The following SPRYD3 variants were observed in gnomAD, a reference collection of about 807,000 sequenced individuals.
SPRYD3 encodes the protein SPRY domain-containing protein 3.
Under a neutral mutation model 50.1 loss-of-function variants are expected in SPRYD3, and 17 were observed. That is an observed-to-expected ratio of 0.34 (90% confidence interval 0.23 to 0.51). The LOEUF is 0.51. Among genes scored for constraint, SPRYD3 ranks in the 20% least tolerant of loss-of-function variants. The pLI is 0.97. For synonymous variants in SPRYD3, 198 were observed against 215.5 expected (o/e 0.92, Z 0.71); for missense variants, 401 against 591.2 (o/e 0.68, Z 3.34).
Position 53,065,725 on chromosome 12 carries a change from A to G in SPRYD3, c.*107T>C, listed in dbSNP as rs1944498696. The G allele has an allele frequency of 1.6e-6, 2 of 1,214,410 alleles. No homozygotes were observed. The highest frequency in any genetic ancestry group is 2.3e-6 in the Non-Finnish European group (2 of 854,200). The allele number at this position is 1,214,410 out of a possible 1,614,324, so 75.2% of individuals were successfully genotyped here. On this transcript the variant is annotated 3_prime_UTR_variant, in exon 11 of 11. Coordinates refer to ENST00000301463, the MANE Select transcript of SPRYD3 (RefSeq NM_032840.3). ...GCCAGTGGGGGCAGAGTGACTACACACCTCCAGGGGCCTGCTGGGTAAACG... is the reference window on the plus strand; with the variant it reads ...GCCAGTGGGGGCAGAGTGACTACACGCCTCCAGGGGCCTGCTGGGTAAACG...
rs1592265930 is a variant in SPRYD3 at position 53,073,357 on chromosome 12, C to T, written c.622G>A (p.Asp208Asn). Reference protein sequence around the residue: ...HLNAELGREDDSVMMVDSYED... With the variant: ...HLNAELGREDNSVMMVDSYED... ...TAACTGTCCACCATCATGACGCTGT[C>T]GTCCTCACGGCCCAGCTCAGCGTTG... Residue 208 changes from aspartate (D) to asparagine (N), a missense_variant, in exon 6 of 11, where the codon GAC (aspartate) becomes AAC (asparagine). By Grantham distance (23) the Asp-to-Asn change is conservative (BLOSUM62 1). Coordinates refer to ENST00000301463, the MANE Select transcript of SPRYD3 (RefSeq NM_032840.3). 3 of 1,591,616 alleles carry T rather than the reference C, an allele frequency of 1.9e-6. No homozygotes were observed. Among genetic ancestry groups the T allele is most frequent in the Non-Finnish European group, 2.6e-6 (3 of 1,169,318 alleles).
intron 10 of SPRYD3, 26 bp from the exon 11 acceptor site, chr12:53,065,992 G>A (rs745491030): frequency 1.2e-6 from 2 of 1,604,724 alleles, no homozygotes; most frequent in East Asian, 2.2e-5. Context: ...GGAGAAGAAT[G>A]GAGCAAGCAG....
At position 53,065,731 on chromosome 12, in the gene SPRYD3, A is replaced by G; in HGVS notation, c.*101T>C. The stretch of plus-strand genomic sequence containing the variant: ...GGGGGCAGAGTGACTACACACCTCC[A>G]GGGGCCTGCTGGGTAAACGAAGCCT... On this transcript the variant is annotated 3_prime_UTR_variant, in exon 11 of 11. Transcript: ENST00000301463. 1.6e-6 allele frequency: 2 copies of G among 1,287,826 alleles called. No individual in the cohort carries two copies. The highest frequency in any genetic ancestry group is 2.2e-6 in the Non-Finnish European group (2 of 915,602). The allele number at this position is 1,287,826 out of a possible 1,614,324, so 79.8% of individuals were successfully genotyped here.
At chr12:53,067,843 C>G in intron 7 of SPRYD3, 138 bp from the exon 8 acceptor site, 1 of 832,904 alleles carries the variant, frequency 1.2e-6, no homozygotes, top group Non-Finnish European at 2.0e-6. Flanking sequence ...CCTGCAGGCA[C>G]TGGGGCTTCA....
chr12:53,069,200 T>G (rs138909814), intron 6 of SPRYD3, among the ~76,000 whole-genome samples: 176 of 152,156 alleles, frequency 1.2e-3, no homozygotes, highest in African/African-American at 3.8e-3. Context: ...CCATCCCCTC[T>G]TTCCCCCACC....
intron 1 of SPRYD3, among the ~76,000 whole-genome samples, chr12:53,077,649 G>A (rs957540468): frequency 5.9e-5 from 9 of 152,234 alleles, no homozygotes; most frequent in African/African-American, 2.2e-4. Context: ...TTGAAAAGGA[G>A]CTAGGCATGA....
At chr12:53,068,923 C>T (rs1157197130) in intron 6 of SPRYD3, among the ~76,000 whole-genome samples, 5 of 152,094 alleles carry the variant, frequency 3.3e-5, no homozygotes, top group Non-Finnish European at 7.4e-5. Flanking sequence ...CCCAGGGACC[C>T]AGAACGCCCA....
intron 7 of SPRYD3, 151 bp from the exon 8 acceptor site, chr12:53,067,856 G>GTT: frequency 1.3e-6 from 1 of 781,438 alleles, no homozygotes; most frequent in Non-Finnish European, 2.2e-6. Flanking sequence ...GGGCTTCAGG[G>GTT]GAACCAGGGA....
chr12:53,069,140 GA>G (rs1440785771), intron 6 of SPRYD3, among the ~76,000 whole-genome samples: 1 of 152,116 alleles, frequency 6.6e-6, no homozygotes, highest in African/African-American at 2.4e-5. Context: ...CCCAATCTGG[GA>G]GGATTTATTT....
At chr12:53,069,955 C>A (rs559548931) in intron 6 of SPRYD3, among the ~76,000 whole-genome samples, 1 of 152,296 alleles carries the variant, frequency 6.6e-6, no homozygotes, top group African/African-American at 2.4e-5. Flanking sequence ...AAAAGACAGC[C>A]GATCCAGACC....
intron 8 of SPRYD3, 39 bp from the exon 9 acceptor site, chr12:53,066,731 G>T (rs1246038233): frequency 1.3e-6 from 2 of 1,571,318 alleles, no homozygotes; most frequent in South Asian, 2.4e-5. Context: ...CTTGAGGAAG[G>T]AGGGCTGACA....
At chr12:53,068,604 T>G (rs1430234522) in intron 6 of SPRYD3, among the ~76,000 whole-genome samples, 1 of 152,100 alleles carries the variant, frequency 6.6e-6, no homozygotes, top group Non-Finnish European at 1.5e-5. Flanking sequence ...CAGGGGGCTC[T>G]AGATGCATCC....
chr12:53,078,772 A>C (rs1460403214), intron 1 of SPRYD3, among the ~76,000 whole-genome samples: 1 of 152,198 alleles, frequency 6.6e-6, no homozygotes, highest in Non-Finnish European at 1.5e-5. Flanking sequence ...TTCTCTTCCC[A>C]TTCCCTAAAC....
chr12:53,066,833 C>A, intron 8 of SPRYD3, 141 bp from the exon 9 acceptor site: 1 of 1,135,198 alleles, frequency 8.8e-7, no homozygotes, highest in Non-Finnish European at 1.2e-6. Flanking sequence ...GAGAGAGAGG[C>A]CGGGCGCGGT....
chr12:53,068,595 A>AG (rs1944527360), intron 6 of SPRYD3, among the ~76,000 whole-genome samples: 1 of 152,154 alleles, frequency 6.6e-6, no homozygotes, highest in African/African-American at 2.4e-5. Flanking sequence ...GCGGCACACC[A>AG]GGGGGCTCTA....
intron 6 of SPRYD3, among the ~76,000 whole-genome samples, chr12:53,068,616 C>T (rs900683142): frequency 3.9e-5 from 6 of 152,260 alleles, no homozygotes; most frequent in Non-Finnish European, 7.4e-5. Flanking sequence ...GATGCATCCT[C>T]GCCCGCTGAA....
rs573531064 is a variant in SPRYD3, at chr12:53,067,073, G to A, written c.902-381C>T. Among the ~76,000 whole-genome samples the A allele has an allele frequency of 8.4e-5, 12 of 142,762 alleles. 1 individual carries two copies. The highest frequency in any genetic ancestry group is 3.2e-4 in the African/African-American group (12 of 37,528). 93.7% of individuals were successfully genotyped at this position (142,762 alleles called of 152,430 possible). A position where few individuals can be genotyped will look rare whatever the true frequency, so the allele number is the denominator to read the frequency against. Reference sequence around the variant, plus strand: ...TGCAGTGAGCCAAGATCATGCCACTGCACTCCAGTCTAGGTGACAGAGTGA... The same window carrying A: ...TGCAGTGAGCCAAGATCATGCCACTACACTCCAGTCTAGGTGACAGAGTGA... On this transcript the variant is annotated intron_variant, in intron 8 of 10. Transcript: ENST00000301463.
chr12:53,068,662 C>A (rs1944528184), intron 6 of SPRYD3, among the ~76,000 whole-genome samples: 1 of 152,094 alleles, frequency 6.6e-6, no homozygotes, highest in Non-Finnish European at 1.5e-5. Context: ...AAAGGTCCGC[C>A]CAGGGTCCCA....
rs1185834545 is a variant in SPRYD3 at position 53,065,275 on chromosome 12, C to T, written c.*557G>A. ...AGCTCTCAAGGGAAAGATGGAGAGC[C>T]TAGAGGAGTCTTCCTGGGGCAGCAG... On this transcript the variant is annotated 3_prime_UTR_variant, in exon 11 of 11. Transcript: ENST00000301463. 1 of 152,970 alleles carries T rather than the reference C, an allele frequency of 6.5e-6. No homozygotes were observed. The highest frequency in any genetic ancestry group is 6.5e-5 in the Admixed American group (1 of 15,292). 9.5% of individuals were successfully genotyped at this position (152,970 alleles called of 1,614,324 possible).
Sources: allele counts gnomAD v4.1 joint callset (sites outside exome capture counted in the v4.1 genomes callset), GRCh38; gene constraint gnomAD v4.1.1; transcripts MANE v1.5; gene names NCBI Gene and HGNC (gene_info 2026-07-23, HGNC 2026-07-21).